Variants in ZFR observed in about 807,000 individuals in gnomAD.
ZFR encodes the protein zinc finger RNA binding protein.
A neutral mutation model predicts 130.7 loss-of-function variants in ZFR; 19 were observed. The ratio of observed to expected loss-of-function variants is 0.15; its 90% CI spans 0.10 to 0.21. The LOEUF (loss-of-function observed/expected upper bound fraction) is 0.21. Among genes scored for constraint, ZFR ranks in the 10% least tolerant of loss-of-function variants. The probability of loss-of-function intolerance (pLI) is 1.00; values close to 1 mark genes in which losing one functional copy is unlikely to be tolerated. For synonymous variants in ZFR, 466 were observed against 456.9 expected, an observed-to-expected ratio of 1.02 and a Z score of -0.25; for missense variants, 872 against 1,321.5, an observed-to-expected ratio of 0.66 and a Z score of 5.27.
chr5:32,417,121 T>TAAA (rs70961631), intron 4 of ZFR, among the ~76,000 whole-genome samples: 2 of 114,684 alleles, frequency 1.7e-5, no homozygotes, highest in Admixed American at 1.9e-4. Context: ...AGTCTCTCTC[T>TAAA]AAAAAAAAAA....
At chr5:32,415,663 G>A (rs1753811637) in intron 4 of ZFR, among the ~76,000 whole-genome samples, 1 of 152,116 alleles carries the variant, frequency 6.6e-6, no homozygotes, top group Non-Finnish European at 1.5e-5. Context: ...ACCATTCATT[G>A]CATTTTAACT....
intron 2 of ZFR, among the ~76,000 whole-genome samples, chr5:32,423,092 C>T (rs1753992131): frequency 1.3e-5 from 2 of 152,022 alleles, no homozygotes; most frequent in Admixed American, 1.3e-4. Context: ...CCTGTAATCC[C>T]AGCACTTTGG....
chr5:32,428,783 G>A (rs1482979549), intron 2 of ZFR, among the ~76,000 whole-genome samples: 2 of 152,078 alleles, frequency 1.3e-5, no homozygotes, highest in Admixed American at 6.6e-5. Flanking sequence ...GGGAGGCCCC[G>A]ATTCTGTTGC....
At chr5:32,363,923 G>A (rs1561858073) in intron 19 of ZFR, 25 bp downstream of exon 19, 9 of 1,593,742 alleles carry the variant, frequency 5.6e-6, no homozygotes, top group Non-Finnish European at 2.6e-6. Flanking sequence ...ACCCAATAGG[G>A]CTCTGAATTT....
intron 16 of ZFR, 142 bp from the exon 17 acceptor site, chr5:32,379,352 G>A: frequency 1.3e-6 from 1 of 748,194 alleles, no homozygotes; most frequent in Non-Finnish European, 2.4e-6. Context: ...GATTCAATGA[G>A]CTGCCATTTA....
At chr5:32,393,807 C>T (rs949456605) in intron 11 of ZFR, among the ~76,000 whole-genome samples, 4 of 152,138 alleles carry the variant, frequency 2.6e-5, no homozygotes, top group African/African-American at 9.7e-5. Flanking sequence ...CAAACATTTC[C>T]ATTTCCCATA....
chr5:32,423,678 T>A (rs1754004160), intron 2 of ZFR, among the ~76,000 whole-genome samples: 1 of 152,080 alleles, frequency 6.6e-6, no homozygotes, highest in Non-Finnish European at 1.5e-5. Flanking sequence ...TTCCCACTCC[T>A]GACGTGAACC....
intron 19 of ZFR, among the ~76,000 whole-genome samples, chr5:32,359,778 G>A (rs762678565): frequency 5.9e-5 from 9 of 151,980 alleles, no homozygotes; most frequent in Non-Finnish European, 1.2e-4. Flanking sequence ...GTGAAACCCC[G>A]TCTCTACTAA....
chr5:32,382,408 G>A (rs761781877), intron 15 of ZFR, among the ~76,000 whole-genome samples: 13 of 152,156 alleles, frequency 8.5e-5, no homozygotes, highest in South Asian at 4.1e-4. Context: ...CTCTTTCTAT[G>A]TCCCTTATTT....
At chr5:32,358,673 C>A (rs922223015) in intron 19 of ZFR, among the ~76,000 whole-genome samples, 3 of 151,674 alleles carry the variant, frequency 2.0e-5, no homozygotes, top group Non-Finnish European at 4.4e-5. Context: ...GTTCTATCCT[C>A]TTCTCCCTCT....
chr5:32,439,360 T>C (rs1754410048), intron 2 of ZFR, among the ~76,000 whole-genome samples: 1 of 152,150 alleles, frequency 6.6e-6, no homozygotes, highest in African/African-American at 2.4e-5. Context: ...TTTTATTCTT[T>C]CCTGAATTCA....
intron 17 of ZFR, among the ~76,000 whole-genome samples, chr5:32,372,493 A>G (rs1752695346): frequency 6.6e-6 from 1 of 152,146 alleles, no homozygotes; most frequent in African/African-American, 2.4e-5. Flanking sequence ...CTCTGCCACC[A>G]GAGACAGCAA....
chr5:32,398,866 G>A (rs993628747), intron 9 of ZFR, among the ~76,000 whole-genome samples: 2 of 152,022 alleles, frequency 1.3e-5, no homozygotes, highest in Admixed American at 1.3e-4. Flanking sequence ...GGCCTCAAGT[G>A]ATTCACCCAC....
intron 2 of ZFR, among the ~76,000 whole-genome samples, chr5:32,433,416 A>G (rs1754264811): frequency 1.3e-5 from 2 of 152,336 alleles, no homozygotes. Context: ...TAACTGCTCA[A>G]TTTTGATGCA....
chr5:32,399,634 AACTG>A (rs1753398576), intron 9 of ZFR, among the ~76,000 whole-genome samples: 1 of 152,168 alleles, frequency 6.6e-6, no homozygotes, highest in South Asian at 2.1e-4. Flanking sequence ...TTTATCACAA[AACTG>A]ACTATTCAAA....
At chr5:32,385,931 A>G (rs1753037439) in intron 14 of ZFR, among the ~76,000 whole-genome samples, 1 of 152,134 alleles carries the variant, frequency 6.6e-6, no homozygotes, top group South Asian at 2.1e-4. Context: ...GGATAAAAGA[A>G]ACACTGCCAT....
intron 2 of ZFR, among the ~76,000 whole-genome samples, chr5:32,438,252 A>ATTTTTTTTTTTTTTTTTTTTTTTTTTTT (rs1561930577): frequency 1.2e-5 from 1 of 83,476 alleles, no homozygotes. Flanking sequence ...TTTATCTGAA[A>ATTTTTTTTTTTTTTTTTTTTTTTTTTTT]ATTTTTTTTT....
chr5:32,419,989 G>A lies in ZFR; in HGVS notation c.252C>T (p.Ala84=), dbSNP rs149917657. 3.8e-5 allele frequency: 61 copies of A among 1,613,760 alleles called. No homozygotes were observed. Among genetic ancestry groups the A allele is most frequent in the Non-Finnish European group, 5.0e-5 (59 of 1,180,022 alleles). The change falls in exon 3 of 20, where the codon GCC becomes GCT. Residue 84 remains alanine, a synonymous_variant. Transcript: ENST00000265069. ...CAGGCCTGGCAACTGCAACTGTGGC[G>A]GCTGCTGGTGCATAGGCAGCAGTAA... ...HTVTAAYAPA[A]ATVAVARPAP...
At chr5:32,402,987 AG>A (rs1348348598) in intron 8 of ZFR, 118 bp downstream of exon 8, 7 of 954,136 alleles carry the variant, frequency 7.3e-6, no homozygotes, top group Non-Finnish European at 7.8e-6. Flanking sequence ...TGAAGAAACA[AG>A]GTCCCAGAGA....
Sources: gnomAD v4.1 joint callset for allele counts (sites outside exome capture counted in the v4.1 genomes callset) on GRCh38, gnomAD v4.1.1 for gene constraint, MANE v1.5 for transcripts, NCBI Gene and HGNC (gene_info 2026-07-23, HGNC 2026-07-21) for gene names.